DBT: variants seen among roughly 807,000 people sequenced by gnomAD.
DBT encodes the protein dihydrolipoamide branched chain transacylase E2.
DBT carries 40 observed loss-of-function variants against 51.3 expected under a neutral mutation model. The observed-to-expected ratio is 0.78, with a 90% CI of 0.61 to 1.02. The LOEUF (loss-of-function observed/expected upper bound fraction) is 1.02, where lower values mean the gene tolerates loss of function less well. Ranked by LOEUF, DBT falls within the 50% of genes least tolerant of loss-of-function variation. The probability of loss-of-function intolerance (pLI) is 0.00; values close to 1 mark genes in which losing one functional copy is unlikely to be tolerated. For synonymous variants in DBT, 181 were observed against 190.4 expected (o/e 0.95, Z 0.41); for missense variants, 510 against 580.2 (o/e 0.88, Z 1.24).
chr1:100,213,329 G>A (rs1662269947), intron 7 of DBT: 17 of 1,512,880 alleles, frequency 1.1e-5, no homozygotes, highest in South Asian at 2.4e-5. Context: ...GCGGCCGCCC[G>A]CCTACAACCT....
At chr1:100,233,435 A>G (rs1253256129) in intron 3 of DBT, among the ~76,000 whole-genome samples, 1 of 152,218 alleles carries the variant, frequency 6.6e-6, no homozygotes, top group Non-Finnish European at 1.5e-5. Context: ...GCTTCCTTAC[A>G]TATTCAAATT....
intron 7 of DBT, among the ~76,000 whole-genome samples, chr1:100,214,257 C>T (rs953522564): frequency 2.0e-5 from 3 of 152,112 alleles, no homozygotes; most frequent in African/African-American, 7.2e-5. Flanking sequence ...CTTTTAGGAT[C>T]AGAGGCTTTA....
At position 100,215,966 on chromosome 1, in the gene DBT, G is replaced by A; in HGVS notation, c.772+17C>T. On this transcript the variant is annotated intron_variant, in intron 6 of 10. Transcript: ENST00000370132. ...AAATGAACTATTGCCTTATAGTATTGTTATTATTATCATTACCTTTTATGG... is the reference window on the plus strand; with the variant it reads ...AAATGAACTATTGCCTTATAGTATTATTATTATTATCATTACCTTTTATGG... 1 of 1,414,422 alleles carries A rather than the reference G, an allele frequency of 7.1e-7. No homozygotes were observed. The highest frequency in any genetic ancestry group is 1.0e-6 in the Non-Finnish European group (1 of 997,982). 87.6% of individuals were successfully genotyped at this position (1,414,422 alleles called of 1,614,324 possible). A position where few individuals can be genotyped will look rare whatever the true frequency, so the allele number is the denominator to read the frequency against.
chr1:100,204,643 C>A (rs760180300), intron 10 of DBT, among the ~76,000 whole-genome samples: 1 of 152,008 alleles, frequency 6.6e-6, no homozygotes, highest in Non-Finnish European at 1.5e-5. Context: ...GCCCACATAG[C>A]CAAGATAATC....
In DBT at chr1:100,225,534, CA is replaced by C. The variant is rs1258673067; in HGVS notation, c.433+5198del. 2.6e-5 allele frequency among the ~76,000 whole-genome samples: 4 copies of C among 152,062 alleles called. No homozygotes were observed. In the East Asian group the frequency reaches 7.7e-4, roughly 29 times the overall value. On this transcript the variant is annotated intron_variant, in intron 4 of 10. Coordinates refer to ENST00000370132, the MANE Select transcript of DBT (RefSeq NM_001918.5). ...GAGATGTCAAAACAAACTCTAAAAA[CA>C]AAACCAGCACCAGGTGTGGTGGCTC... is the stretch of plus-strand genomic sequence containing the variant.
At chr1:100,196,527 C>G in intron 10 of DBT, 105 bp from the exon 11 acceptor site, 1 of 1,340,900 alleles carries the variant, frequency 7.5e-7, no homozygotes, top group Non-Finnish European at 9.5e-7. Context: ...CAGGCAAACC[C>G]TTCTTCCTGT....
chr1:100,215,087 T>C (rs1662403613), intron 6 of DBT, 104 bp from the exon 7 acceptor site: 2 of 814,952 alleles, frequency 2.5e-6, no homozygotes, highest in Admixed American at 2.3e-5. Flanking sequence ...TAATGTCTTT[T>C]ACTCTCTCAG....
rs1039501817 is a variant in DBT at position 100,192,849 on chromosome 1, C to T, written c.*3406G>A. 6.6e-6 allele frequency: 1 copy of T among 152,182 alleles called. No individual in the cohort carries two copies. Among genetic ancestry groups the T allele is most frequent in the Non-Finnish European group, 1.5e-5 (1 of 68,044 alleles). The allele number at this position is 152,182 out of a possible 1,614,324, so 9.4% of individuals were successfully genotyped here. On this transcript the variant is annotated 3_prime_UTR_variant, in exon 11 of 11. Transcript: ENST00000370132. Reference sequence around the variant, plus strand: ...CTCGCAGCAATAATTTTGGCTTCTCCCCCATGTACATATACCTTCTAATCT... The same window carrying T: ...CTCGCAGCAATAATTTTGGCTTCTCTCCCATGTACATATACCTTCTAATCT...
chr1:100,249,014 C>T, intron 1 of DBT: 2 of 666,874 alleles, frequency 3.0e-6, no homozygotes, highest in Non-Finnish European at 3.7e-6. Flanking sequence ...ATCTCCAGTG[C>T]CTAACACAGC....
At chr1:100,237,518 T>A (rs1340922984) in intron 2 of DBT, among the ~76,000 whole-genome samples, 1 of 152,138 alleles carries the variant, frequency 6.6e-6, no homozygotes, top group Non-Finnish European at 1.5e-5. Context: ...GTCTACAAGT[T>A]TAGAAAAAAT....
chr1:100,230,634 AAAAAAAAC>A, intron 4 of DBT, 91 bp downstream of exon 4: 1 of 775,960 alleles, frequency 1.3e-6, no homozygotes, highest in Non-Finnish European at 2.1e-6. Context: ...GAATAGAAAA[AAAAAAAAC>A]AAAAAAACAA....
At position 100,210,889 on chromosome 1, in the gene DBT, A is replaced by C. The variant is rs977156376; in HGVS notation, c.940-118T>G. The C allele has an allele frequency of 5.8e-6, 9 of 1,556,496 alleles. No individual in the cohort carries two copies. The Admixed American group carries it at 1.1e-4, about 20-fold the overall frequency. ...GAGAACTCTTATTTATGCTGAGTTT[A>C]ATTTCAAGTCTACATGTACCTAGTC... On this transcript the variant is annotated intron_variant, in intron 7 of 10. Coordinates refer to ENST00000370132, the MANE Select transcript of DBT (RefSeq NM_001918.5).
In DBT at chr1:100,193,070, C is replaced by T. The variant is rs1660881879; in HGVS notation, c.*3185G>A. Reference sequence around the variant, plus strand: ...CAGGGAATCCTGCTATCCTAAGGGCCGTGCACACTGTAGGGAACAAATCCT... The same window carrying T: ...CAGGGAATCCTGCTATCCTAAGGGCTGTGCACACTGTAGGGAACAAATCCT... On this transcript the variant is annotated 3_prime_UTR_variant, in exon 11 of 11. Coordinates refer to ENST00000370132, the MANE Select transcript of DBT (RefSeq NM_001918.5). 2 of 152,204 alleles carry T rather than the reference C, an allele frequency of 1.3e-5. No individual in the cohort carries two copies. Among genetic ancestry groups the T allele is most frequent in the Admixed American group, 1.3e-4 (2 of 15,272 alleles). 9.4% of individuals were successfully genotyped at this position (152,204 alleles called of 1,614,324 possible).
chr1:100,244,587 A>AT (rs1465186221), intron 1 of DBT, among the ~76,000 whole-genome samples: 4 of 152,182 alleles, frequency 2.6e-5, no homozygotes, highest in Non-Finnish European at 5.9e-5. Context: ...CACGTTCAAG[A>AT]TCCCCCGGTG....
chr1:100,219,798 T>C (rs975453392), intron 4 of DBT, among the ~76,000 whole-genome samples: 1 of 152,052 alleles, frequency 6.6e-6, no homozygotes, highest in African/African-American at 2.4e-5. Context: ...TCTTAAACAC[T>C]TTCCTGAGAT....
intron 4 of DBT, among the ~76,000 whole-genome samples, chr1:100,228,262 C>T (rs1396154729): frequency 6.6e-6 from 1 of 151,940 alleles, no homozygotes; most frequent in African/African-American, 2.4e-5. Flanking sequence ...TGACATTCTG[C>T]AAAACAAAGG....
At chr1:100,228,081 C>G (rs1276505879) in intron 4 of DBT, among the ~76,000 whole-genome samples, 1 of 152,146 alleles carries the variant, frequency 6.6e-6, no homozygotes, top group African/African-American at 2.4e-5. Flanking sequence ...AACTCCTGAC[C>G]TCAAGTGATT....
Position 100,206,613 on chromosome 1 carries a change from T to G in DBT, c.1041A>C (p.Ala347=). 1 of 1,609,534 alleles carries G rather than the reference T, an allele frequency of 6.2e-7. No homozygotes were observed. Among genetic ancestry groups the G allele is most frequent in the Non-Finnish European group, 8.5e-7 (1 of 1,175,828 alleles). ...TYKASHNIGI[A]MDTEQGLIVP... ...CAATCAAACCCTGCTCAGTATCCATTGCTATCCCAATGTTATGAGAAGCCT... is the reference window on the plus strand; with the variant it reads ...CAATCAAACCCTGCTCAGTATCCATGGCTATCCCAATGTTATGAGAAGCCT... Residue 347 remains alanine (A), a synonymous_variant, in exon 9 of 11, where the codon GCA becomes GCC. Transcript: ENST00000370132.
At position 100,206,600 on chromosome 1, in the gene DBT, G is replaced by T; in HGVS notation, c.1054C>A (p.Gln352Lys). ...HNIGIAMDTE[Q>K]GLIVPNVKNV... ...TTCACATTAGGGACAATCAAACCCT[G>T]CTCAGTATCCATTGCTATCCCAATG... The change falls in exon 9 of 11, where the codon CAG (glutamine) becomes AAG (lysine). Residue 352 changes from glutamine to lysine, a missense_variant. Physicochemically the swap from Gln to Lys is moderately conservative, Grantham distance 53. Transcript: ENST00000370132. 6.2e-7 allele frequency: 1 copy of T among 1,611,634 alleles called. No homozygotes were observed.
Sources: allele counts gnomAD v4.1 joint callset (sites outside exome capture counted in the v4.1 genomes callset), GRCh38; gene constraint gnomAD v4.1.1; transcripts MANE v1.5; gene names NCBI Gene and HGNC (gene_info 2026-07-23, HGNC 2026-07-21).